The following TSHZ3 variants were observed in gnomAD, a reference collection of about 807,000 sequenced individuals.
TSHZ3 encodes the protein teashirt zinc finger homeobox 3.
A neutral mutation model predicts 64.5 loss-of-function variants in TSHZ3; 10 were observed. That is an observed-to-expected ratio of 0.16 (90% CI 0.10 to 0.26). The LOEUF is 0.26. TSHZ3 is among the 10% of genes least tolerant of loss of function. The pLI is 1.00. For missense variants in TSHZ3, 1,242 were observed against 1,421.7 expected (o/e 0.87, Z 2.03); for synonymous variants, 608 against 593.1 (o/e 1.03, Z -0.36).
chr19:31,258,965 C>T (rs543751039), intron 1 of TSHZ3, among the ~76,000 whole-genome samples: 74 of 152,344 alleles, frequency 4.9e-4, no homozygotes, highest in Middle Eastern at 3.4e-3. Flanking sequence ...GGCCCGCCTT[C>T]TCTATCCAAC....
chr19:31,183,228 T>C (rs73031841), intron 5 of TSHZ3, among the ~76,000 whole-genome samples: 1,067 of 12,054 alleles, frequency 0.089, 1 homozygote, highest in Middle Eastern at 0.14. Context: ...CTCTCTCTCT[T>C]TCTCTCTCTC....
At chr19:31,180,212 C>T (rs1974690139) in intron 5 of TSHZ3, among the ~76,000 whole-genome samples, 1 of 152,012 alleles carries the variant, frequency 6.6e-6, no homozygotes, top group Non-Finnish European at 1.5e-5. Flanking sequence ...AATTGCTAAG[C>T]CAATGATGAT....
intron 5 of TSHZ3, among the ~76,000 whole-genome samples, chr19:31,203,943 T>A (rs986680878): frequency 6.6e-6 from 1 of 152,040 alleles, no homozygotes; most frequent in East Asian, 1.9e-4. Flanking sequence ...GGACTCACAG[T>A]TCCGCATGGC....
At chr19:31,290,474 T>C (rs1012516829) in intron 1 of TSHZ3, among the ~76,000 whole-genome samples, 1 of 151,988 alleles carries the variant, frequency 6.6e-6, no homozygotes, top group Admixed American at 6.6e-5. Flanking sequence ...TTGGATTGCA[T>C]GTTGGGCTTC....
chr19:31,288,563 G>A (rs1976507252), intron 1 of TSHZ3, among the ~76,000 whole-genome samples: 1 of 152,140 alleles, frequency 6.6e-6, no homozygotes, highest in South Asian at 2.1e-4. Context: ...GAGAGGACCT[G>A]CCGATTCTCT....
intron 1 of TSHZ3, among the ~76,000 whole-genome samples, chr19:31,338,557 G>A (rs985406773): frequency 6.6e-6 from 1 of 151,072 alleles, no homozygotes; most frequent in African/African-American, 2.4e-5. Context: ...TTTCAGATAC[G>A]GTGTTGGTTT....
chr19:31,280,581 C>T (rs536320710), intron 1 of TSHZ3, among the ~76,000 whole-genome samples: 1 of 152,256 alleles, frequency 6.6e-6, no homozygotes, highest in South Asian at 2.1e-4. Context: ...GGTGCTCATT[C>T]CTGATGTATA....
At chr19:31,309,238 A>G (rs978211194) in intron 1 of TSHZ3, among the ~76,000 whole-genome samples, 3 of 152,224 alleles carry the variant, frequency 2.0e-5, no homozygotes, top group African/African-American at 7.2e-5. Context: ...CCCACAGGAT[A>G]TGGGCTAACC....
At chr19:31,194,403 G>T (rs1163892630) in intron 5 of TSHZ3, among the ~76,000 whole-genome samples, 1 of 152,124 alleles carries the variant, frequency 6.6e-6, no homozygotes, top group African/African-American at 2.4e-5. Flanking sequence ...AGCCTAACCT[G>T]CTAGGGTTTT....
chr19:31,162,905 AC>A (rs1338989089), intron 5 of TSHZ3, among the ~76,000 whole-genome samples: 1 of 152,056 alleles, frequency 6.6e-6, no homozygotes, highest in East Asian at 1.9e-4. Flanking sequence ...TTCTTAGAGG[AC>A]CCACTTTGTC....
chr19:31,163,974 C>G (rs772695620), intron 5 of TSHZ3, among the ~76,000 whole-genome samples: 2 of 152,204 alleles, frequency 1.3e-5, no homozygotes, highest in Non-Finnish European at 2.9e-5. Context: ...CCCCATGTTA[C>G]ACTGAGGAAG....
chr19:31,300,872 A>C (rs1488448685), intron 1 of TSHZ3, among the ~76,000 whole-genome samples: 2 of 152,126 alleles, frequency 1.3e-5, no homozygotes, highest in African/African-American at 4.8e-5. Flanking sequence ...GTCAGGAAGA[A>C]AGTCCTACTG....
At chr19:31,236,803 G>A (rs1975622256) in intron 3 of TSHZ3, among the ~76,000 whole-genome samples, 1 of 152,154 alleles carries the variant, frequency 6.6e-6, no homozygotes, top group Non-Finnish European at 1.5e-5. Flanking sequence ...GGGAATGAAG[G>A]GCAAGTAATA....
At chr19:31,347,393 T>C (rs2021549453) in intron 1 of TSHZ3, among the ~76,000 whole-genome samples, 1 of 151,988 alleles carries the variant, frequency 6.6e-6, no homozygotes, top group Non-Finnish European at 1.5e-5. Context: ...TGTAAAGATG[T>C]AATCACATAT....
rs1163335812 is a variant in TSHZ3 at position 31,278,026 on chromosome 19, C to A, written c.1767G>T (p.Gln589His). Residue 589 changes from glutamine to histidine, a missense_variant, in exon 2 of 2, where the codon CAG becomes CAT. By Grantham distance (24) the Gln-to-His change is conservative. Coordinates refer to ENST00000240587, the MANE Select transcript of TSHZ3 (RefSeq NM_020856.4). This position sits in a 1 kb window ranked among gnomAD's most constrained non-coding sequence, Gnocchi z 4.7. Reference sequence around the variant, plus strand: ...GGCTGCTGGGTGGAGAGACCAGGGTCTGGTTTTTCGTCGGGGAGACAATCT... The same window carrying A: ...GGCTGCTGGGTGGAGAGACCAGGGTATGGTTTTTCGTCGGGGAGACAATCT... ...NSEIVSPTKN[Q>H]TLVSPPSSQT... 6.2e-7 allele frequency: 1 copy of A among 1,613,378 alleles called. No homozygotes were observed. Among genetic ancestry groups the A allele is most frequent in the Non-Finnish European group, 8.5e-7 (1 of 1,179,472 alleles).
chr19:31,278,240 C>A lies in TSHZ3; in HGVS notation c.1553G>T (p.Gly518Val), dbSNP rs367983553. 9.3e-6 allele frequency: 15 copies of A among 1,614,026 alleles called. No homozygotes were observed. The highest frequency in any genetic ancestry group is 3.3e-5 in the South Asian group (3 of 91,082). The stretch of plus-strand genomic sequence containing the variant: ...CAAGGATTTGAGGATATCAAGCCCC[C>A]CCTTGGGACTCTCTTCTAAGTCATT... ...TENDLEESPK[G>V]GLDILKSLEN... Residue 518 changes from glycine (G) to valine (V), a missense_variant, in exon 2 of 2, where the codon GGG becomes GTG. By Grantham distance (109) the Gly-to-Val change is moderately radical. Coordinates refer to ENST00000240587, the MANE Select transcript of TSHZ3 (RefSeq NM_020856.4). This position sits in a 1 kb window ranked among gnomAD's most constrained non-coding sequence, Gnocchi z 4.7.
rs994737724 is a variant in TSHZ3 at position 31,277,317 on chromosome 19, T to C, written c.2476A>G (p.Lys826Glu). The C allele has an allele frequency of 6.2e-7, 1 of 1,613,332 alleles. No homozygotes were observed. The highest frequency in any genetic ancestry group is 1.3e-5 in the African/African-American group (1 of 75,058). The change falls in exon 2 of 2, where the codon AAG becomes GAG. Residue 826 changes from lysine to glutamate, a missense_variant. Physicochemically the swap from Lys to Glu is moderately conservative, Grantham distance 56. Around this residue, in one of 4 missense-constraint regions of TSHZ3, gnomAD observed 550 missense variants for 545.1 expected, o/e 1.01. Transcript: ENST00000240587. The surrounding 1 kb of genome is among the most constrained non-coding windows in gnomAD (Gnocchi z 4.5). ...ATSSSTVTTA[K>E]TSAVVSFMSN... ...ATGAATGATACGACGGCAGATGTCT[T>C]TGCCGTTGTCACCGTGGATGAGGAG...
At chr19:31,282,999 G>C (rs947193210) in intron 1 of TSHZ3, among the ~76,000 whole-genome samples, 12 of 152,182 alleles carry the variant, frequency 7.9e-5, no homozygotes, top group African/African-American at 2.7e-4. Flanking sequence ...CTTAGGTGGA[G>C]CCTAAGACTT....
intron 5 of TSHZ3, among the ~76,000 whole-genome samples, chr19:31,181,473 A>G (rs1974713310): frequency 6.6e-6 from 1 of 152,176 alleles, no homozygotes; most frequent in African/African-American, 2.4e-5. Flanking sequence ...ATCCCTCTGC[A>G]GTAGCAGTGC....
Sources: gnomAD v4.1 joint callset for allele counts (sites outside exome capture counted in the v4.1 genomes callset) on GRCh38, gnomAD v4.1.1 for gene constraint, gnomAD v4.1.1 regional missense constraint, Gnocchi (gnomAD v3.1) non-coding constraint, MANE v1.5 for transcripts, NCBI Gene and HGNC (gene_info 2026-07-23, HGNC 2026-07-21) for gene names.